The following SIK2 variants were observed in gnomAD, a reference collection of about 807,000 sequenced individuals.
SIK2 encodes salt inducible kinase 2.
SIK2 carries 29 observed loss-of-function variants against 103.2 expected under a neutral mutation model. The ratio of observed to expected loss-of-function variants is 0.28; its 90% CI spans 0.21 to 0.38. SIK2 has a LOEUF of 0.38. Among genes scored for constraint, SIK2 ranks in the 10% least tolerant of loss-of-function variants. The pLI is 1.00. For synonymous variants in SIK2, 412 were observed against 446.1 expected (o/e 0.92, Z 0.96); for missense variants, 879 against 1,171.0 (o/e 0.75, Z 3.64).
At chr11:111,608,962 C>T (rs1347310569) in intron 1 of SIK2, among the ~76,000 whole-genome samples, 1 of 151,790 alleles carries the variant, frequency 6.6e-6, no homozygotes, top group East Asian at 1.9e-4. Flanking sequence ...TCTCTGCCAA[C>T]TTGATAGCAG....
chr11:111,712,646 CTCTT>C (rs1943533048), intron 9 of SIK2, among the ~76,000 whole-genome samples: 1 of 152,206 alleles, frequency 6.6e-6, no homozygotes, highest in Non-Finnish European at 1.5e-5. Flanking sequence ...AATTCCTTCT[CTCTT>C]CAAGTTTCCA....
chr11:111,703,228 G>A lies in SIK2; in HGVS notation c.753G>A (p.Met251Ile), dbSNP rs749289016. 3 of 1,614,126 alleles carry A rather than the reference G, an allele frequency of 1.9e-6. No homozygotes were observed. Among genetic ancestry groups the A allele is most frequent in the Non-Finnish European group, 2.5e-6 (3 of 1,180,016 alleles). ...SEDCEHLIRR[M>I]LVLDPSKRLT... ...ATTGCGAGCACCTTATCCGAAGGAT[G>A]TTGGTCCTAGACCCATCCAAACGGC... is the stretch of plus-strand genomic sequence containing the variant. Residue 251 changes from methionine to isoleucine, a missense_variant, in exon 7 of 15, where the codon ATG becomes ATA. Physicochemically the swap from Met to Ile is conservative, Grantham distance 10. Coordinates refer to ENST00000304987, the MANE Select transcript of SIK2 (RefSeq NM_015191.3).
At chr11:111,710,429 T>G (rs1405633765) in intron 8 of SIK2, among the ~76,000 whole-genome samples, 3 of 152,246 alleles carry the variant, frequency 2.0e-5, no homozygotes. Flanking sequence ...ATATTAATAT[T>G]GGAATATACC....
intron 3 of SIK2, chr11:111,672,242 A>G: frequency 5.6e-6 from 2 of 359,998 alleles, no homozygotes; most frequent in South Asian, 3.0e-5. Flanking sequence ...ACTCAGACCT[A>G]TGCTGGCACT....
At chr11:111,669,872 A>T (rs1942601261) in intron 3 of SIK2, among the ~76,000 whole-genome samples, 1 of 152,076 alleles carries the variant, frequency 6.6e-6, no homozygotes, top group African/African-American at 2.4e-5. Flanking sequence ...CCATATTTTC[A>T]GCTCCTAAAG....
intron 3 of SIK2, among the ~76,000 whole-genome samples, chr11:111,654,855 G>A (rs1942370669): frequency 6.6e-6 from 1 of 152,170 alleles, no homozygotes; most frequent in South Asian, 2.1e-4. Flanking sequence ...GCTTCATGGA[G>A]AATGTGACTA....
intron 3 of SIK2, among the ~76,000 whole-genome samples, chr11:111,659,725 T>C (rs960777249): frequency 8.5e-5 from 13 of 152,210 alleles, no homozygotes; most frequent in African/African-American, 3.1e-4. Flanking sequence ...CACCTCACTT[T>C]TCAATCCAAG....
At chr11:111,695,768 G>C (rs1943057307) in intron 4 of SIK2, among the ~76,000 whole-genome samples, 1 of 152,142 alleles carries the variant, frequency 6.6e-6, no homozygotes, top group Non-Finnish European at 1.5e-5. Flanking sequence ...CCAACAAACA[G>C]AATTCTCCAT....
chr11:111,677,634 C>T (rs1403125257), intron 3 of SIK2, among the ~76,000 whole-genome samples: 5 of 105,930 alleles, frequency 4.7e-5, no homozygotes, highest in Non-Finnish European at 9.0e-5. Context: ...GACAGGGTTT[C>T]GCCAGGCTAG....
chr11:111,618,478 TACTAAA>T (rs1941837667), intron 2 of SIK2, among the ~76,000 whole-genome samples: 2 of 152,132 alleles, frequency 1.3e-5, no homozygotes, highest in South Asian at 4.1e-4. Context: ...TTCCTAAAAA[TACTAAA>T]ACTACAGAGG....
chr11:111,665,218 T>C (rs1265178220), intron 3 of SIK2, among the ~76,000 whole-genome samples: 1 of 151,344 alleles, frequency 6.6e-6, no homozygotes, highest in Non-Finnish European at 1.5e-5. Context: ...GATATTAGAA[T>C]CAACATTTAG....
At chr11:111,643,838 C>T (rs1942215994) in intron 3 of SIK2, among the ~76,000 whole-genome samples, 1 of 151,466 alleles carries the variant, frequency 6.6e-6, no homozygotes. Context: ...TTAGAATTAG[C>T]TAGGCATGGT....
At chr11:111,695,019 G>A (rs1368617230) in intron 4 of SIK2, among the ~76,000 whole-genome samples, 8 of 152,098 alleles carry the variant, frequency 5.3e-5, no homozygotes, top group Admixed American at 6.6e-5. Context: ...TGACCTTTTC[G>A]TGCTGGTGGG....
chr11:111,715,770 A>C (rs1490273637), intron 9 of SIK2, among the ~76,000 whole-genome samples: 1 of 143,744 alleles, frequency 7.0e-6, no homozygotes, highest in Non-Finnish European at 1.5e-5. Context: ...ATACATATAC[A>C]CGCACACTTG....
At chr11:111,639,651 A>G (rs537833898) in intron 3 of SIK2, among the ~76,000 whole-genome samples, 1 of 152,358 alleles carries the variant, frequency 6.6e-6, no homozygotes, top group African/African-American at 2.4e-5. Flanking sequence ...TTTCTGCCTT[A>G]AATGAGATTC....
At chr11:111,673,671 CTAGAA>C (rs1942658830) in intron 3 of SIK2, among the ~76,000 whole-genome samples, 1 of 152,056 alleles carries the variant, frequency 6.6e-6, no homozygotes, top group Non-Finnish European at 1.5e-5. Context: ...AATTTTTGTA[CTAGAA>C]ATTATAGGGT....
At chr11:111,664,700 A>C (rs1446973189) in intron 3 of SIK2, among the ~76,000 whole-genome samples, 251 of 101,914 alleles carry the variant, frequency 2.5e-3, no homozygotes, top group Admixed American at 5.7e-3. Context: ...CACCCCCCCC[A>C]CACACACACC....
intron 1 of SIK2, among the ~76,000 whole-genome samples, chr11:111,610,864 ACAAAGCAGTT>A (rs1315687666): frequency 1.3e-5 from 2 of 152,232 alleles, no homozygotes; most frequent in Non-Finnish European, 2.9e-5. Flanking sequence ...ACAGAAAAGT[ACAAAGCAGTT>A]TTTTGTCATC....
At chr11:111,707,793 A>G (rs1261737898) in intron 8 of SIK2, among the ~76,000 whole-genome samples, 1 of 152,222 alleles carries the variant, frequency 6.6e-6, no homozygotes, top group African/African-American at 2.4e-5. Flanking sequence ...AACATGATCC[A>G]GTCAATACAA....
Sources: gnomAD v4.1 joint callset for allele counts (sites outside exome capture counted in the v4.1 genomes callset) on GRCh38, gnomAD v4.1.1 for gene constraint, MANE v1.5 for transcripts, NCBI Gene and HGNC (gene_info 2026-07-23, HGNC 2026-07-21) for gene names.